SGCZ: variants seen among roughly 807,000 people sequenced by gnomAD.
SGCZ encodes zeta-sarcoglycan.
A neutral mutation model predicts 41.3 loss-of-function variants in SGCZ; 40 were observed. That is an observed-to-expected ratio of 0.97 (90% CI 0.75 to 1.26). The LOEUF (loss-of-function observed/expected upper bound fraction) is 1.26, where lower values mean the gene tolerates loss of function less well. Ranked by LOEUF, SGCZ falls within the 50% of genes most tolerant of loss-of-function variation. The pLI is 0.00. For synonymous variants in SGCZ, 206 were observed against 137.5 expected (o/e 1.50, Z -3.49); for missense variants, 552 against 369.8 (o/e 1.49, Z -4.04).
At chr8:14,939,371 G>A (rs574437605) in intron 1 of SGCZ, among the ~76,000 whole-genome samples, 1 of 152,118 alleles carries the variant, frequency 6.6e-6, no homozygotes, top group Admixed American at 6.6e-5. Flanking sequence ...TTCAAAACAT[G>A]GTCAGGATTG....
At chr8:14,745,578 A>C (rs1448463980) in intron 1 of SGCZ, among the ~76,000 whole-genome samples, 1 of 152,044 alleles carries the variant, frequency 6.6e-6, no homozygotes, top group African/African-American at 2.4e-5. Context: ...CTGACTCTAA[A>C]TACACACATA....
intron 2 of SGCZ, among the ~76,000 whole-genome samples, chr8:14,462,907 T>C (rs919507302): frequency 6.6e-6 from 1 of 151,756 alleles, no homozygotes; most frequent in Non-Finnish European, 1.5e-5. Context: ...TACAAATGTA[T>C]CACCTCCTTG....
chr8:14,584,261 A>G (rs1804987853), intron 1 of SGCZ, among the ~76,000 whole-genome samples: 1 of 152,190 alleles, frequency 6.6e-6, no homozygotes, highest in Non-Finnish European at 1.5e-5. Context: ...GACATGATTT[A>G]CAAGGCGCAG....
At chr8:14,976,589 A>C (rs868867386) in intron 1 of SGCZ, among the ~76,000 whole-genome samples, 5 of 152,116 alleles carry the variant, frequency 3.3e-5, no homozygotes, top group Admixed American at 2.6e-4. Flanking sequence ...GTTTCTGACA[A>C]CAACACATAA....
chr8:14,837,010 T>C (rs1585305745), intron 1 of SGCZ, among the ~76,000 whole-genome samples: 1 of 152,176 alleles, frequency 6.6e-6, no homozygotes, highest in East Asian at 1.9e-4. Flanking sequence ...TTTATAGTTA[T>C]TTTCTTCTTT....
At chr8:14,860,295 G>T (rs1429708152) in intron 1 of SGCZ, among the ~76,000 whole-genome samples, 1 of 151,364 alleles carries the variant, frequency 6.6e-6, no homozygotes, top group Admixed American at 6.6e-5. Flanking sequence ...TCACTCCCAA[G>T]AGCAATTTGA....
chr8:15,216,982 T>C (rs1385545255), intron 1 of SGCZ, among the ~76,000 whole-genome samples: 6 of 151,964 alleles, frequency 3.9e-5, no homozygotes, highest in Admixed American at 6.6e-5. Flanking sequence ...TTGAAGACAA[T>C]CTTTCAGGGG....
chr8:14,604,416 C>T (rs1401886608), intron 1 of SGCZ, among the ~76,000 whole-genome samples: 1 of 147,366 alleles, frequency 6.8e-6, no homozygotes, highest in Admixed American at 6.8e-5. Flanking sequence ...AATCTATAAG[C>T]CATGATTTTT....
At chr8:14,246,689 C>A (rs7008504) in intron 3 of SGCZ, among the ~76,000 whole-genome samples, 4,515 of 151,526 alleles carry the variant, frequency 0.03, 233 homozygotes, top group African/African-American at 0.1. Flanking sequence ...GGGCAGATCA[C>A]GGGGTCAGGA....
At chr8:14,708,812 AGTGTGT>A (rs61049816) in intron 1 of SGCZ, among the ~76,000 whole-genome samples, 1 of 148,582 alleles carries the variant, frequency 6.7e-6, no homozygotes, top group Non-Finnish European at 1.5e-5. Flanking sequence ...GTTTTATTCG[AGTGTGT>A]GTGTGTGTGT....
intron 1 of SGCZ, among the ~76,000 whole-genome samples, chr8:14,904,197 A>C (rs972741582): frequency 6.6e-6 from 1 of 152,078 alleles, no homozygotes; most frequent in African/African-American, 2.4e-5. Flanking sequence ...ATTGCTGCTC[A>C]CAGCTTTCTC....
intron 1 of SGCZ, among the ~76,000 whole-genome samples, chr8:14,642,588 G>T (rs954898746): frequency 1.3e-5 from 2 of 151,318 alleles, no homozygotes; most frequent in Non-Finnish European, 3.0e-5. Context: ...TAACTCTACA[G>T]GGCAAATATT....
intron 3 of SGCZ, among the ~76,000 whole-genome samples, chr8:14,285,294 T>C (rs1013641085): frequency 6.6e-6 from 1 of 152,132 alleles, no homozygotes; most frequent in Admixed American, 6.5e-5. Flanking sequence ...ACATTCCCAA[T>C]TTCTTAAGGG....
intron 1 of SGCZ, among the ~76,000 whole-genome samples, chr8:14,737,322 G>T (rs950200486): frequency 3.8e-4 from 58 of 151,990 alleles, no homozygotes; most frequent in African/African-American, 1.3e-3. Context: ...AAGTTCTAAT[G>T]AAGCAAAAAC....
intron 1 of SGCZ, among the ~76,000 whole-genome samples, chr8:15,015,663 A>G (rs1245825504): frequency 1.1e-4 from 15 of 130,640 alleles, no homozygotes; most frequent in Middle Eastern, 4.5e-3. Context: ...ACTCCAGCGT[A>G]GGCAACAGAG....
At chr8:14,192,780 C>T (rs981556419) in intron 4 of SGCZ, among the ~76,000 whole-genome samples, 2 of 151,888 alleles carry the variant, frequency 1.3e-5, no homozygotes, top group African/African-American at 4.8e-5. Context: ...TTCATGGCCA[C>T]GTTTACATTT....
chr8:14,270,062 T>C (rs924271352), intron 3 of SGCZ, among the ~76,000 whole-genome samples: 1 of 152,256 alleles, frequency 6.6e-6, no homozygotes, highest in African/African-American at 2.4e-5. Context: ...CCAGGTGTGG[T>C]GGTTCACGCC....
chr8:14,821,149 C>A (rs1802067896), intron 1 of SGCZ, among the ~76,000 whole-genome samples: 1 of 151,836 alleles, frequency 6.6e-6, no homozygotes, highest in African/African-American at 2.4e-5. Context: ...ACTGATGTCA[C>A]AGAAATACAA....
At chr8:14,632,779 T>C (rs944503657) in intron 1 of SGCZ, among the ~76,000 whole-genome samples, 41 of 151,998 alleles carry the variant, frequency 2.7e-4, no homozygotes, top group African/African-American at 9.4e-4. Flanking sequence ...AAAGTCAAAG[T>C]AAACGGGTCA....
Sources: gnomAD v4.1 joint callset for allele counts (sites outside exome capture counted in the v4.1 genomes callset) on GRCh38, gnomAD v4.1.1 for gene constraint, MANE v1.5 for transcripts, NCBI Gene and HGNC (gene_info 2026-07-23, HGNC 2026-07-21) for gene names.